RAP1GAP2: variants seen among roughly 807,000 people sequenced by gnomAD.
RAP1GAP2 encodes the protein RAP1 GTPase activating protein 2.
Under a neutral mutation model 95.0 loss-of-function variants are expected in RAP1GAP2, and 27 were observed. The ratio of observed to expected loss-of-function variants is 0.28; its 90% confidence interval spans 0.21 to 0.39. The LOEUF (loss-of-function observed/expected upper bound fraction) is 0.39. Among genes scored for constraint, RAP1GAP2 ranks in the 10% least tolerant of loss-of-function variants. The pLI, the probability that RAP1GAP2 is intolerant of heterozygous loss-of-function variation, is 1.00. For synonymous variants in RAP1GAP2, 373 were observed against 380.9 expected (o/e 0.98, Z 0.24); for missense variants, 771 against 970.0 (o/e 0.79, Z 2.72).
intron 3 of RAP1GAP2, among the ~76,000 whole-genome samples, chr17:2,909,653 T>G (rs1298063239): frequency 6.6e-6 from 1 of 152,206 alleles, no homozygotes; most frequent in Non-Finnish European, 1.5e-5. Context: ...CAGAGCAGCC[T>G]CAGGGAAAGC....
rs182440503 is a variant in RAP1GAP2, at chr17:2,833,546, C to T, written c.80+32996C>T. The stretch of plus-strand genomic sequence containing the variant: ...TCTACTAAAAATACAAAAAATGAGC[C>T]GGGTGTGTTGGCGGGCGCCTGTAGT... On this transcript the variant is annotated intron_variant, in intron 2 of 24. Transcript: ENST00000254695. Among the ~76,000 whole-genome samples the T allele has an allele frequency of 5.6e-3, 851 of 151,490 alleles. 3 individuals are homozygous for T. The highest frequency in any genetic ancestry group is 8.6e-3 in the Admixed American group (131 of 15,194).
At chr17:3,020,832 C>A (rs541173858) in intron 19 of RAP1GAP2, among the ~76,000 whole-genome samples, 1 of 152,322 alleles carries the variant, frequency 6.6e-6, no homozygotes, top group South Asian at 2.1e-4. Context: ...GCATTTTGAC[C>A]CAGGCTAGAA....
chr17:2,894,852 C>T (rs559914130), intron 2 of RAP1GAP2, among the ~76,000 whole-genome samples: 3 of 152,146 alleles, frequency 2.0e-5, no homozygotes, highest in Non-Finnish European at 4.4e-5. Context: ...CGCCCCTCGG[C>T]CCCGTTTCGG....
At chr17:2,841,321 T>TTTTTA (rs2071362321) in intron 2 of RAP1GAP2, among the ~76,000 whole-genome samples, 1 of 148,998 alleles carries the variant, frequency 6.7e-6, no homozygotes, top group African/African-American at 2.5e-5. Context: ...TTTTTTTTTT[T>TTTTTA]GAGACGGAGT....
At chr17:2,980,085 C>A (rs926400471) in intron 8 of RAP1GAP2, among the ~76,000 whole-genome samples, 4 of 152,036 alleles carry the variant, frequency 2.6e-5, no homozygotes, top group African/African-American at 9.7e-5. Context: ...GGATTACAGG[C>A]ATCCGCCACC....
At chr17:2,927,407 C>T (rs992699400) in intron 3 of RAP1GAP2, among the ~76,000 whole-genome samples, 2 of 152,192 alleles carry the variant, frequency 1.3e-5, no homozygotes, top group Non-Finnish European at 2.9e-5. Context: ...CCCGCCTTGG[C>T]CTCCCAAAGT....
At position 2,867,192 on chromosome 17, in the gene RAP1GAP2, G is replaced by C. The variant is rs61623052; in HGVS notation, c.81-38092G>C. ...TGGGATTACAGGTGTGAGCCACCGT[G>C]CCTGGCCTCTGATTGGTCATTTAGC... On this transcript the variant is annotated intron_variant, in intron 2 of 24. Transcript: ENST00000254695. The surrounding 1 kb of genome is among the most constrained non-coding windows in gnomAD (Gnocchi z 4.5). Among the ~76,000 whole-genome samples, 5,396 of 152,320 alleles carry C rather than the reference G, an allele frequency of 0.035. 194 individuals are homozygous for C. Among genetic ancestry groups the C allele is most frequent in the South Asian group, 0.1 (483 of 4,824 alleles).
chr17:2,796,189 A>G (rs1188436046), upstream of RAP1GAP2, among the ~76,000 whole-genome samples: 1 of 152,146 alleles, frequency 6.6e-6, no homozygotes, highest in African/African-American at 2.4e-5. This position sits in a 1 kb window ranked among gnomAD's most constrained non-coding sequence, Gnocchi z 4.7. Context: ...TTTGGGTTCC[A>G]GGAAGCTGGG....
intron 5 of RAP1GAP2, 112 bp downstream of exon 5, chr17:2,962,826 ACT>A: frequency 9.5e-7 from 1 of 1,048,158 alleles, no homozygotes; most frequent in Non-Finnish European, 1.3e-6. Flanking sequence ...CACCTGTCTA[ACT>A]CTGACTCGCA....
intron 2 of RAP1GAP2, among the ~76,000 whole-genome samples, chr17:2,833,668 A>T (rs374210922): frequency 1.4e-5 from 2 of 142,564 alleles, no homozygotes; most frequent in East Asian, 2.2e-4. Context: ...CCAACCTGGG[A>T]GACACAGCGA....
intron 2 of RAP1GAP2, among the ~76,000 whole-genome samples, chr17:2,897,924 T>A (rs1178136224): frequency 1.4e-4 from 1 of 7,112 alleles, no homozygotes; most frequent in Non-Finnish European, 2.9e-4. Flanking sequence ...GCGGAGTCTT[T>A]TTTTTTTTTT....
At chr17:2,783,811 C>A (rs1198554575) in intron 1 of RAP1GAP2, among the ~76,000 whole-genome samples, 1 of 152,136 alleles carries the variant, frequency 6.6e-6, no homozygotes, top group African/African-American at 2.4e-5. Flanking sequence ...ACACGTCTGG[C>A]GTTTCTTGCT....
At chr17:2,961,036 T>C (rs12451015) in intron 4 of RAP1GAP2, among the ~76,000 whole-genome samples, 34,721 of 150,996 alleles carry the variant, frequency 0.23, 5,909 homozygotes, top group African/African-American at 0.47. Flanking sequence ...GGCAACATGG[T>C]GAAACCCCAT....
chr17:2,987,747 A>C (rs2045605725), intron 11 of RAP1GAP2, among the ~76,000 whole-genome samples: 1 of 152,228 alleles, frequency 6.6e-6, no homozygotes, highest in South Asian at 2.1e-4. Flanking sequence ...CTAAAAAAAA[A>C]ATACTGTAAA....
chr17:2,872,213 CAAAA>C (rs562587177), intron 2 of RAP1GAP2, among the ~76,000 whole-genome samples: 2 of 75,642 alleles, frequency 2.6e-5, no homozygotes, highest in South Asian at 1.4e-3. Flanking sequence ...GCCTCTGTCT[CAAAA>C]AAAAAAAAAA....
At chr17:2,892,567 C>T (rs1238455238) in intron 2 of RAP1GAP2, among the ~76,000 whole-genome samples, 1 of 152,152 alleles carries the variant, frequency 6.6e-6, no homozygotes, top group Non-Finnish European at 1.5e-5. Context: ...GTGGTTTCTT[C>T]ATGTGCATGG....
chr17:2,758,018 C>T (rs556592118), intron 1 of RAP1GAP2, among the ~76,000 whole-genome samples: 49 of 151,940 alleles, frequency 3.2e-4, no homozygotes, highest in East Asian at 2.5e-3. Context: ...TACAGGTGCC[C>T]GCCACCACGC....
At position 3,017,938 on chromosome 17, in the gene RAP1GAP2, TG is replaced by T. The variant is rs2151638671; in HGVS notation, c.1495-122del. 6.1e-6 allele frequency: 5 copies of T among 820,692 alleles called. No individual in the cohort carries two copies. The Admixed American group carries it at 1.2e-4, about 19-fold the overall frequency. 50.8% of individuals were successfully genotyped at this position (820,692 alleles called of 1,614,324 possible). The stretch of plus-strand genomic sequence containing the variant: ...GACCGTGTGTGTGTGTGTGTGTGTG[TG>T]TGTGTGTGTATGTGTGCACGCATAC... On this transcript the variant is annotated intron_variant, in intron 17 of 24. Transcript: ENST00000254695.
chr17:2,847,896 G>C (rs769635828), intron 2 of RAP1GAP2, among the ~76,000 whole-genome samples: 2 of 152,170 alleles, frequency 1.3e-5, no homozygotes, highest in Non-Finnish European at 2.9e-5. Context: ...TTCACACACA[G>C]AAGGATCCTT....
Sources: gnomAD v4.1 joint callset for allele counts (sites outside exome capture counted in the v4.1 genomes callset) on GRCh38, gnomAD v4.1.1 for gene constraint, Gnocchi (gnomAD v3.1) non-coding constraint, MANE v1.5 for transcripts, NCBI Gene and HGNC (gene_info 2026-07-23, HGNC 2026-07-21) for gene names.